EPB41L3: variants seen among roughly 807,000 people sequenced by gnomAD.
EPB41L3 encodes the protein erythrocyte membrane protein band 4.1 like 3.
EPB41L3 carries 57 observed loss-of-function variants against 127.1 expected under a neutral mutation model. The observed-to-expected ratio is 0.45, with a 90% CI of 0.36 to 0.56. The LOEUF is 0.56. Ranked by LOEUF, EPB41L3 falls within the 20% of genes least tolerant of loss-of-function variation. The pLI is 0.00. For missense variants in EPB41L3, 1,273 were observed against 1,372.2 expected, an observed-to-expected ratio of 0.93 and a Z score of 1.14; for synonymous variants, 572 against 549.5, an observed-to-expected ratio of 1.04 and a Z score of -0.57.
intron 3 of EPB41L3, chr18:5,570,862 A>G (rs991020346): frequency 6.6e-6 from 1 of 152,202 alleles, no homozygotes; most frequent in African/African-American, 2.4e-5. Context: ...GGAGCAGACT[A>G]AAGTCATTAT....
intron 16 of EPB41L3, 92 bp from the exon 17 acceptor site, chr18:5,398,235 G>T: frequency 6.8e-7 from 1 of 1,465,304 alleles, no homozygotes; most frequent in Non-Finnish European, 9.3e-7. Context: ...AAAATCGTAG[G>T]CAGAGGAGAC....
intron 3 of EPB41L3, among the ~76,000 whole-genome samples, chr18:5,474,904 G>C (rs953396076): frequency 6.6e-6 from 1 of 152,176 alleles, no homozygotes; most frequent in African/African-American, 2.4e-5. Context: ...CTCCCAGGCA[G>C]TGCGTACATC....
intron 1 of EPB41L3, among the ~76,000 whole-genome samples, chr18:5,514,862 T>C (rs1420589695): frequency 6.6e-6 from 1 of 152,224 alleles, no homozygotes; most frequent in Non-Finnish European, 1.5e-5. Flanking sequence ...ATTCTCTTTT[T>C]CCAAATTACA....
rs986748475 is a variant in EPB41L3 at position 5,624,972 on chromosome 18, A to C, written c.-468+3950T>G. Among the ~76,000 whole-genome samples, 14 of 152,150 alleles carry C rather than the reference A, an allele frequency of 9.2e-5. 1 individual carries two copies. Among genetic ancestry groups the C allele is most frequent in the Admixed American group, 8.5e-4 (13 of 15,266 alleles). ...GAAGAAAGGGGAGGAAGGGCATTTC[A>C]GTTGAAAGAAATAGGGTGAGCGAAA... On this transcript the variant is annotated intron_variant, in intron 1 of 21. Coordinates refer to the EPB41L3 transcript ENST00000545076.
chr18:5,545,244 G>A (rs78550997), upstream of EPB41L3, among the ~76,000 whole-genome samples: 244 of 152,132 alleles, frequency 1.6e-3, no homozygotes, highest in African/African-American at 5.7e-3. Context: ...CAAATCATCC[G>A]GTTGCCCCTC....
At chr18:5,456,911 T>C (rs995645206) in intron 3 of EPB41L3, among the ~76,000 whole-genome samples, 13 of 152,220 alleles carry the variant, frequency 8.5e-5, no homozygotes, top group Non-Finnish European at 1.5e-4. Context: ...CCCTGTCTTC[T>C]GGGCTCAGCC....
At chr18:5,627,933 T>G (rs984507486) in intron 1 of EPB41L3, among the ~76,000 whole-genome samples, 1 of 152,214 alleles carries the variant, frequency 6.6e-6, no homozygotes, top group African/African-American at 2.4e-5. Context: ...TTTGACCCCT[T>G]GGTGTCACTA....
upstream of EPB41L3, among the ~76,000 whole-genome samples, chr18:5,546,492 T>C (rs1216334350): frequency 6.6e-6 from 1 of 152,154 alleles, no homozygotes; most frequent in African/African-American, 2.4e-5. Context: ...ATCTCACCAC[T>C]GCACTCTAGC....
chr18:5,500,909 T>C (rs1199256508), intron 1 of EPB41L3, among the ~76,000 whole-genome samples: 1 of 152,166 alleles, frequency 6.6e-6, no homozygotes, highest in Non-Finnish European at 1.5e-5. Flanking sequence ...TCTCTGTGGT[T>C]ACCTCCTAAT....
chr18:5,397,058 C>G lies in EPB41L3; in HGVS notation c.2841G>C (p.Glu947Asp), dbSNP rs150175125. Reference protein sequence around the residue: ...SETLEQKPHFESSTVKTETIS... With the variant: ...SETLEQKPHFDSSTVKTETIS... ...AAAAGTAACATTTACTACTAGTTAC[C>G]TCAAAATGAGGTTTTTGTTCCAAAG... is the stretch of plus-strand genomic sequence containing the variant. Residue 947 changes from glutamate to aspartate, a missense_variant and splice_region_variant, in exon 18 of 23, where the codon GAG becomes GAC. Physicochemically the swap from Glu to Asp is conservative, Grantham distance 45. This residue lies in a region of EPB41L3 where 765 missense variants were observed against 782.9 expected (regional missense o/e 0.98). Transcript: ENST00000341928. The surrounding 1 kb of genome is among the most constrained non-coding windows in gnomAD (Gnocchi z 4.1). 1.9e-6 allele frequency: 3 copies of G among 1,590,068 alleles called. No homozygotes were observed. The highest frequency in any genetic ancestry group is 2.7e-5 in the African/African-American group (2 of 73,806).
intron 3 of EPB41L3, among the ~76,000 whole-genome samples, chr18:5,561,466 A>G (rs2094135149): frequency 1.3e-5 from 2 of 152,190 alleles, no homozygotes; most frequent in African/African-American, 4.8e-5. Flanking sequence ...GTATTGGATT[A>G]TAACACAAGG....
At position 5,423,508 on chromosome 18, in the gene EPB41L3, A is replaced by G. The variant is rs750836750; in HGVS notation, c.1209T>C (p.Gly403=). 2.5e-6 allele frequency: 4 copies of G among 1,613,442 alleles called. No individual in the cohort carries two copies. The highest frequency in any genetic ancestry group is 2.2e-5 in the East Asian group (1 of 44,846). ...EAPPKKFLTL[G]SKFRYSGRTQ... ...TCCTGCCACTATAACGAAACTTGGA[A>G]CCCAAGGTTAGGAATTTCTTGGGAG... The change falls in exon 11 of 23, where the codon GGT becomes GGC. Residue 403 remains glycine, a synonymous_variant. Coordinates refer to ENST00000341928, the MANE Select transcript of EPB41L3 (RefSeq NM_012307.5).
At chr18:5,524,458 G>T (rs2093142514) in intron 1 of EPB41L3, among the ~76,000 whole-genome samples, 1 of 152,252 alleles carries the variant, frequency 6.6e-6, no homozygotes, top group South Asian at 2.1e-4. Context: ...GCCTCCCAAA[G>T]TGCTGGGATT....
At chr18:5,544,433 A>T, upstream of EPB41L3, 1 of 542,652 alleles carries the variant, frequency 1.8e-6, no homozygotes, top group Non-Finnish European at 2.4e-6. Context: ...TTGGAAAGAA[A>T]ATAAAATCAA....
Position 5,395,934 on chromosome 18 carries a change from T to C in EPB41L3, c.2974-227A>G, listed in dbSNP as rs372187404. On this transcript the variant is annotated intron_variant, in intron 19 of 22. Coordinates refer to ENST00000341928, the MANE Select transcript of EPB41L3 (RefSeq NM_012307.5). ...GAAATGTGAGTGGTGGATGGGTGAG[T>C]GAATATTTTTCTTTCTCTGTGGCTA... Among the ~76,000 whole-genome samples the C allele has an allele frequency of 3.3e-5, 5 of 151,986 alleles. No individual in the cohort carries two copies. In the East Asian group the frequency reaches 9.7e-4, roughly 29 times the overall value.
At chr18:5,425,619 A>G (rs2078064546) in intron 9 of EPB41L3, among the ~76,000 whole-genome samples, 1 of 152,114 alleles carries the variant, frequency 6.6e-6, no homozygotes, top group African/African-American at 2.4e-5. Context: ...TAGTTTATTA[A>G]TATCTATTTC....
At chr18:5,472,485 G>T (rs1279324772) in intron 3 of EPB41L3, among the ~76,000 whole-genome samples, 1 of 152,158 alleles carries the variant, frequency 6.6e-6, no homozygotes, top group Non-Finnish European at 1.5e-5. Context: ...AGGGTGGCAT[G>T]TTATAGGTTA....
chr18:5,431,162 A>C (rs1389432301), intron 8 of EPB41L3: 5 of 152,234 alleles, frequency 3.3e-5, no homozygotes, highest in African/African-American at 1.2e-4. Context: ...AAGCAGAGAC[A>C]GATGTACAAA....
intron 3 of EPB41L3, among the ~76,000 whole-genome samples, chr18:5,576,852 G>T (rs925308063): frequency 6.6e-6 from 1 of 152,238 alleles, no homozygotes; most frequent in Non-Finnish European, 1.5e-5. Context: ...GGATTGCAAA[G>T]TCTAAGCATA....
Sources: allele counts gnomAD v4.1 joint callset (sites outside exome capture counted in the v4.1 genomes callset), GRCh38; gene constraint gnomAD v4.1.1; regional missense constraint gnomAD v4.1.1; non-coding constraint Gnocchi (gnomAD v3.1); transcripts MANE v1.5; gene names NCBI Gene and HGNC (gene_info 2026-07-23, HGNC 2026-07-21).